Variants in PTK2B observed in about 807,000 individuals in gnomAD.
The protein encoded by PTK2B is protein-tyrosine kinase 2-beta.
In PTK2B, 71 loss-of-function variants were observed where a neutral mutation model predicts 142.9. That is an observed-to-expected ratio of 0.50 (90% CI 0.41 to 0.61). The LOEUF (loss-of-function observed/expected upper bound fraction) is 0.61, where lower values mean the gene tolerates loss of function less well. Among genes scored for constraint, PTK2B ranks in the 20% least tolerant of loss-of-function variants. The pLI, the probability that PTK2B is intolerant of heterozygous loss-of-function variation, is 0.00. For missense variants in PTK2B, 1,105 were observed against 1,320.4 expected (o/e 0.84, Z 2.53); for synonymous variants, 519 against 503.4 (o/e 1.03, Z -0.42).
Position 27,440,459 on chromosome 8 carries a change from G to A in PTK2B, c.2039+18G>A. The A allele has an allele frequency of 6.2e-7, 1 of 1,611,924 alleles. No individual in the cohort carries two copies. ...AGCCTCAGGTGAGCATGGAGTGTGGGCTGTGGGCTGGGGGCCCACCCGGCT... is the reference window on the plus strand; with the variant it reads ...AGCCTCAGGTGAGCATGGAGTGTGGACTGTGGGCTGGGGGCCCACCCGGCT... On this transcript the variant is annotated intron_variant, in intron 21 of 30. Transcript: ENST00000346049.
At chr8:27,338,265 A>G (rs1804195282) in intron 1 of PTK2B, among the ~76,000 whole-genome samples, 1 of 152,212 alleles carries the variant, frequency 6.6e-6, no homozygotes, top group South Asian at 2.1e-4. Context: ...ATGATCTTTT[A>G]AAGGTTTGTT....
chr8:27,324,949 A>G (rs1227285735), upstream of PTK2B, among the ~76,000 whole-genome samples: 1 of 152,236 alleles, frequency 6.6e-6, no homozygotes, highest in Non-Finnish European at 1.5e-5. Flanking sequence ...GGGGCTGTCC[A>G]GCATCTCTAA....
intron 1 of PTK2B, among the ~76,000 whole-genome samples, chr8:27,385,222 G>A (rs908511040): frequency 6.6e-6 from 1 of 152,190 alleles, no homozygotes; most frequent in Non-Finnish European, 1.5e-5. Context: ...GGCTACGGAA[G>A]CACTCTGTTA....
intron 1 of PTK2B, among the ~76,000 whole-genome samples, chr8:27,388,593 G>C (rs1807516743): frequency 6.6e-6 from 1 of 152,210 alleles, no homozygotes; most frequent in Non-Finnish European, 1.5e-5. Flanking sequence ...TGCCCAGTCT[G>C]TCGCTGTTCA....
In PTK2B at chr8:27,373,631, A is replaced by G. The variant is rs1324412584; in HGVS notation, c.-37-23917A>G. 3.3e-5 allele frequency among the ~76,000 whole-genome samples: 5 copies of G among 152,136 alleles called. No individual in the cohort carries two copies. The East Asian group carries it at 5.8e-4, about 18-fold the overall frequency. ...CAGAAGTTGGAGGTTACAATGAGCTATGATCACACTACTGCACTCTAGCCT... is the reference window on the plus strand; with the variant it reads ...CAGAAGTTGGAGGTTACAATGAGCTGTGATCACACTACTGCACTCTAGCCT... On this transcript the variant is annotated intron_variant, in intron 1 of 30. Transcript: ENST00000346049.
chr8:27,432,812 C>T (rs1810523043), intron 10 of PTK2B, among the ~76,000 whole-genome samples: 1 of 151,946 alleles, frequency 6.6e-6, no homozygotes, highest in Non-Finnish European at 1.5e-5. Context: ...CCCATTGCCT[C>T]CCCTTCCTCT....
chr8:27,317,443 C>T (rs1319743682), intron 3 of PTK2B, among the ~76,000 whole-genome samples: 5 of 151,498 alleles, frequency 3.3e-5, no homozygotes, highest in Admixed American at 6.6e-5. Flanking sequence ...GATGTCTTTT[C>T]CATTTCCTTA....
At chr8:27,420,837 A>C in intron 4 of PTK2B, 93 bp downstream of exon 4, 1 of 1,218,956 alleles carries the variant, frequency 8.2e-7, no homozygotes, top group East Asian at 2.4e-5. Flanking sequence ...GGAAAGACAA[A>C]GCCCAGATTA....
intron 1 of PTK2B, among the ~76,000 whole-genome samples, chr8:27,365,670 A>G (rs775972954): frequency 6.6e-6 from 1 of 152,196 alleles, no homozygotes; most frequent in Non-Finnish European, 1.5e-5. Context: ...TGCGGATTAA[A>G]TGAGTTAACA....
At chr8:27,330,259 G>C (rs1236874534) in intron 1 of PTK2B, among the ~76,000 whole-genome samples, 5 of 152,216 alleles carry the variant, frequency 3.3e-5, no homozygotes, top group African/African-American at 1.2e-4. Context: ...ATAAGTATGA[G>C]CTCTCTGGTA....
chr8:27,357,272 TACTG>T (rs1805443117), intron 1 of PTK2B, among the ~76,000 whole-genome samples: 1 of 152,126 alleles, frequency 6.6e-6, no homozygotes, highest in African/African-American at 2.4e-5. Flanking sequence ...GTACAAAAAA[TACTG>T]ACAAATTAAA....
intron 21 of PTK2B, 32 bp from the exon 22 acceptor site, chr8:27,442,843 T>A (rs532989030): frequency 6.3e-7 from 1 of 1,584,704 alleles, no homozygotes; most frequent in East Asian, 2.2e-5. Context: ...TTTGACCTAG[T>A]TTCTCTCCTT....
chr8:27,349,179 AAAC>A (rs1804893195), intron 1 of PTK2B, among the ~76,000 whole-genome samples: 1 of 152,212 alleles, frequency 6.6e-6, no homozygotes, highest in Admixed American at 6.5e-5. Context: ...TGCACTGAGA[AAAC>A]AACAGAGAAG....
intron 28 of PTK2B, among the ~76,000 whole-genome samples, chr8:27,453,702 A>G (rs1811964120): frequency 6.6e-6 from 1 of 152,194 alleles, no homozygotes; most frequent in Non-Finnish European, 1.5e-5. Context: ...CAATATAGCA[A>G]GAACCCATCT....
intron 1 of PTK2B, among the ~76,000 whole-genome samples, chr8:27,374,772 C>T (rs915856808): frequency 2.0e-5 from 3 of 152,070 alleles, no homozygotes; most frequent in African/African-American, 7.2e-5. Context: ...TCAGTGGGGC[C>T]CCATGTCAAA....
intron 1 of PTK2B, among the ~76,000 whole-genome samples, chr8:27,345,945 C>T (rs1236879119): frequency 1.3e-5 from 2 of 152,274 alleles, no homozygotes; most frequent in South Asian, 2.1e-4. Flanking sequence ...TACAAAGTGA[C>T]TGAGCCTGTC....
At chr8:27,362,924 G>A (rs1224027415) in intron 1 of PTK2B, among the ~76,000 whole-genome samples, 3 of 152,206 alleles carry the variant, frequency 2.0e-5, no homozygotes, top group Admixed American at 1.3e-4. Context: ...AGGTTCAGTA[G>A]GTGCGGCAGT....
chr8:27,419,185 T>G (rs773161366), intron 2 of PTK2B, among the ~76,000 whole-genome samples: 4 of 152,234 alleles, frequency 2.6e-5, no homozygotes, highest in Non-Finnish European at 5.9e-5. Context: ...TCTATTAACC[T>G]CCGGTTAACA....
chr8:27,404,041 AG>A (rs760862228), intron 2 of PTK2B, among the ~76,000 whole-genome samples: 6 of 60,842 alleles, frequency 9.9e-5, no homozygotes, highest in East Asian at 3.6e-4. Flanking sequence ...TCTCATCCCC[AG>A]TTTCTATACA....
Sources: allele counts gnomAD v4.1 joint callset (sites outside exome capture counted in the v4.1 genomes callset), GRCh38; gene constraint gnomAD v4.1.1; transcripts MANE v1.5; gene names NCBI Gene and HGNC (gene_info 2026-07-23, HGNC 2026-07-21).